Variants in CFAP44 observed in about 807,000 individuals in gnomAD.
CFAP44 encodes cilia and flagella associated protein 44, also known as cilia- and flagella-associated protein 44.
In CFAP44, 134 loss-of-function variants were observed where a neutral mutation model predicts 216.2. The observed-to-expected ratio is 0.62, with a 90% CI of 0.54 to 0.72. The LOEUF (loss-of-function observed/expected upper bound fraction) is 0.72, where lower values mean the gene tolerates loss of function less well. Ranked by LOEUF, CFAP44 falls within the 30% of genes least tolerant of loss-of-function variation. The pLI is 0.00. For missense variants in CFAP44, 2,035 were observed against 2,182.1 expected (o/e 0.93, Z 1.34); for synonymous variants, 700 against 727.6 (o/e 0.96, Z 0.61).
rs1949865009 is a variant in CFAP44, at chr3:113,294,784, T to C, written c.5276A>G (p.Lys1759Arg). ...AAGCTTTCTGGTGTGTTCTTTTGTC[T>C]TCATCATCAGTTCCCATCGCATTTG... ...IAQMRWELMM[K>R]TKEHTRKLYQ... Residue 1759 changes from lysine (K) to arginine (R), a missense_variant, in exon 34 of 35, where the codon AAG becomes AGG. Around this residue, in one of 3 missense-constraint regions of CFAP44, gnomAD observed 1,883 missense variants for 2,023.7 expected, o/e 0.93. Coordinates refer to ENST00000393845, the MANE Select transcript of CFAP44 (RefSeq NM_001164496.2). 6.5e-7 allele frequency: 1 copy of C among 1,535,798 alleles called. No homozygotes were observed. Among genetic ancestry groups the C allele is most frequent in the Admixed American group, 2.0e-5 (1 of 50,722 alleles).
chr3:113,330,786 A>T, intron 25 of CFAP44, 118 bp from the exon 26 acceptor site: 2 of 1,323,938 alleles, frequency 1.5e-6, no homozygotes, highest in Non-Finnish European at 2.0e-6. Context: ...ATAAAAATTC[A>T]TCTGATCATA....
At chr3:113,369,180 A>C (rs1246509184) in intron 18 of CFAP44, among the ~76,000 whole-genome samples, 1 of 152,222 alleles carries the variant, frequency 6.6e-6, no homozygotes, top group Non-Finnish European at 1.5e-5. Flanking sequence ...TCAACGAGAC[A>C]GAAGGTTAAC....
chr3:113,339,538 A>C (rs982222782), intron 24 of CFAP44, among the ~76,000 whole-genome samples: 3 of 152,094 alleles, frequency 2.0e-5, no homozygotes, highest in Non-Finnish European at 2.9e-5. Flanking sequence ...AAAACTGAGT[A>C]CCTTGGGCCT....
At chr3:113,300,988 C>G (rs1045236674) in intron 32 of CFAP44, among the ~76,000 whole-genome samples, 3 of 152,056 alleles carry the variant, frequency 2.0e-5, no homozygotes, top group Non-Finnish European at 4.4e-5. Context: ...CCCAGCTGTT[C>G]TACTTTTAGG....
intron 21 of CFAP44, among the ~76,000 whole-genome samples, chr3:113,359,798 C>T (rs1200222417): frequency 1.3e-5 from 2 of 151,908 alleles, no homozygotes; most frequent in African/African-American, 2.4e-5. Flanking sequence ...TAACCACTAG[C>T]AGGTACATGG....
intron 22 of CFAP44, among the ~76,000 whole-genome samples, chr3:113,348,749 T>C (rs1051709057): frequency 1.3e-5 from 2 of 152,200 alleles, no homozygotes; most frequent in Non-Finnish European, 1.5e-5. Context: ...CCCGGGTACA[T>C]GTCCCCTTCT....
At position 113,420,073 on chromosome 3, in the gene CFAP44, T is replaced by C. The variant is rs1452892179; in HGVS notation, c.514A>G (p.Thr172Ala). 6.2e-7 allele frequency: 1 copy of C among 1,613,726 alleles called. No individual in the cohort carries two copies. Among genetic ancestry groups the C allele is most frequent in the Non-Finnish European group, 8.5e-7 (1 of 1,179,876 alleles). Reference protein sequence around the residue: ...GNQLIFLNLKTKEQIYLRSSS... With the variant: ...GNQLIFLNLKAKEQIYLRSSS... The stretch of plus-strand genomic sequence containing the variant: ...CTTCGCAGGTAGATCTGTTCCTTGG[T>C]TTTCAAATTCAGAAAGATCAGTTGG... Residue 172 changes from threonine to alanine, a missense_variant, in exon 5 of 35, where the codon ACC becomes GCC. Physicochemically the swap from Thr to Ala is moderately conservative, Grantham distance 58. Around this residue, in one of 3 missense-constraint regions of CFAP44, gnomAD observed 1,883 missense variants for 2,023.7 expected, o/e 0.93. Transcript: ENST00000393845.
intron 19 of CFAP44, among the ~76,000 whole-genome samples, chr3:113,364,906 T>C (rs544591914): frequency 6.6e-6 from 1 of 151,906 alleles, no homozygotes; most frequent in African/African-American, 2.4e-5. Flanking sequence ...CTGAGCTTAG[T>C]TGTTTTCTGT....
At chr3:113,363,577 C>A (rs776476429) in intron 19 of CFAP44, 45 bp from the exon 20 acceptor site, 3 of 1,483,492 alleles carry the variant, frequency 2.0e-6, no homozygotes, top group African/African-American at 2.8e-5. Context: ...AATTGCATAG[C>A]ATTTTCCTTA....
rs1242278435 is a variant in CFAP44, at chr3:113,420,156, C to A, written c.431G>T (p.Arg144Ile). 2 of 1,613,170 alleles carry A rather than the reference C, an allele frequency of 1.2e-6. No individual in the cohort carries two copies. The highest frequency in any genetic ancestry group is 2.2e-5 in the South Asian group (2 of 90,950). The change falls in exon 5 of 35, where the codon AGA (arginine) becomes ATA (isoleucine). Residue 144 changes from arginine (R) to isoleucine (I), a missense_variant. Transcript: ENST00000393845. ...TLVHSFGYDCRKRANLQLLDD... is the reference protein window; with the variant it reads ...TLVHSFGYDCIKRANLQLLDD... ...CAGAAGTTGTAGGTTGGCTCGCTTTCTACAGTCATAACCAAAAGAATGTCT... is the reference window on the plus strand; with the variant it reads ...CAGAAGTTGTAGGTTGGCTCGCTTTATACAGTCATAACCAAAAGAATGTCT...
intron 18 of CFAP44, among the ~76,000 whole-genome samples, chr3:113,369,407 A>G (rs1933071374): frequency 6.6e-6 from 1 of 152,222 alleles, no homozygotes; most frequent in African/African-American, 2.4e-5. Flanking sequence ...ATCAAACTAG[A>G]ACTCAGGTTA....
rs1950335271 is a variant in CFAP44, at chr3:113,341,772, G to C, written c.3409C>G (p.Gln1137Glu). 6.7e-7 allele frequency: 1 copy of C among 1,493,914 alleles called. No individual in the cohort carries two copies. The highest frequency in any genetic ancestry group is 1.3e-5 in the South Asian group (1 of 74,248). 92.5% of individuals were successfully genotyped at this position (1,493,914 alleles called of 1,614,324 possible). A position where few individuals can be genotyped will look rare whatever the true frequency, so the allele number is the denominator to read the frequency against. ...TCCTCCCATTCTTTTTTTCGCTGTT[G>C]AATCTTTAGTTGTGCCCTTTCAGCT... ...LKAERAQLKI[Q>E]QRKKEWEELY... The change falls in exon 24 of 35, where the codon CAA (glutamine) becomes GAA (glutamate). Residue 1137 changes from glutamine to glutamate, a missense_variant. By Grantham distance (29) the Gln-to-Glu change is conservative. This residue lies in a region of CFAP44 where 1,883 missense variants were observed against 2,023.7 expected (regional missense o/e 0.93). Coordinates refer to ENST00000393845, the MANE Select transcript of CFAP44 (RefSeq NM_001164496.2).
intron 22 of CFAP44, among the ~76,000 whole-genome samples, chr3:113,352,120 C>G (rs1420822979): frequency 5.9e-5 from 9 of 152,286 alleles, no homozygotes. Flanking sequence ...ACTTGGAGAA[C>G]TTTTCTGTCT....
intron 28 of CFAP44, among the ~76,000 whole-genome samples, chr3:113,313,314 T>C (rs1392100467): frequency 6.6e-6 from 1 of 152,106 alleles, no homozygotes; most frequent in Non-Finnish European, 1.5e-5. Context: ...ATTTATCCCA[T>C]TTGCAATGGC....
chr3:113,436,912 A>G (rs1383909774), intron 1 of CFAP44, among the ~76,000 whole-genome samples: 1 of 152,226 alleles, frequency 6.6e-6, no homozygotes, highest in African/African-American at 2.4e-5. Context: ...TGGTTTTGTG[A>G]GTCAAAAGTC....
At chr3:113,292,153 A>G (rs572621294) in intron 34 of CFAP44, among the ~76,000 whole-genome samples, 1 of 152,162 alleles carries the variant, frequency 6.6e-6, no homozygotes, top group Non-Finnish European at 1.5e-5. Context: ...TGTTTCACAC[A>G]TCACTTTCAG....
At chr3:113,344,426 C>A in intron 23 of CFAP44, 90 bp downstream of exon 23, 1 of 1,160,928 alleles carries the variant, frequency 8.6e-7, no homozygotes, top group Admixed American at 2.6e-5. Flanking sequence ...GCTCAAGCCA[C>A]CAAAGAAGGT....
At chr3:113,316,647 T>A (rs1576544393) in intron 28 of CFAP44, among the ~76,000 whole-genome samples, 1 of 152,024 alleles carries the variant, frequency 6.6e-6, no homozygotes, top group East Asian at 1.9e-4. Context: ...GGTGGGTGGA[T>A]CACTTGAGGT....
Position 113,323,062 on chromosome 3 carries a change from G to C in CFAP44, c.4516+3383C>G, listed in dbSNP as rs571290286. On this transcript the variant is annotated intron_variant, in intron 28 of 34. Transcript: ENST00000393845. ...ACTCATCATGAGAATAGCAGCATGA[G>C]GGTAACCACTCCCATGATTCAATTA... Among the ~76,000 whole-genome samples, 116 of 152,270 alleles carry C rather than the reference G, an allele frequency of 7.6e-4. 1 individual carries two copies. Among genetic ancestry groups the C allele is most frequent in the African/African-American group, 2.3e-3 (94 of 41,566 alleles).
Sources: gnomAD v4.1 joint callset for allele counts (sites outside exome capture counted in the v4.1 genomes callset) on GRCh38, gnomAD v4.1.1 for gene constraint, gnomAD v4.1.1 regional missense constraint, MANE v1.5 for transcripts, NCBI Gene and HGNC (gene_info 2026-07-23, HGNC 2026-07-21) for gene names.